Variants in IGSF21 observed in about 807,000 individuals in gnomAD.
IGSF21 encodes immunoglobin superfamily member 21.
Under a neutral mutation model 46.8 loss-of-function variants are expected in IGSF21, and 28 were observed. That is an observed-to-expected ratio of 0.60 (90% CI 0.44 to 0.82). The LOEUF is 0.82. Among genes scored for constraint, IGSF21 ranks in the 40% least tolerant of loss-of-function variants. The pLI is 0.00. For missense variants in IGSF21, 624 were observed against 665.5 expected (o/e 0.94, Z 0.69); for synonymous variants, 284 against 273.6 (o/e 1.04, Z -0.38).
intron 1 of IGSF21, among the ~76,000 whole-genome samples, chr1:18,123,761 C>T (rs1225121739): frequency 2.0e-5 from 3 of 151,966 alleles, no homozygotes; most frequent in African/African-American, 4.8e-5. Context: ...GCCTGGGGCA[C>T]GTGGGAGAGT....
At chr1:18,176,871 G>T (rs554382857) in intron 1 of IGSF21, among the ~76,000 whole-genome samples, 1 of 152,244 alleles carries the variant, frequency 6.6e-6, no homozygotes, top group African/African-American at 2.4e-5. Flanking sequence ...CAACAGGCCA[G>T]CTGTGACTTT....
chr1:18,120,795 G>A (rs139336847), intron 1 of IGSF21, among the ~76,000 whole-genome samples: 1 of 152,230 alleles, frequency 6.6e-6, no homozygotes, highest in Non-Finnish European at 1.5e-5. Context: ...GACAACATTG[G>A]AGGCAAATTG....
At chr1:18,291,124 C>G (rs909845610) in intron 2 of IGSF21, among the ~76,000 whole-genome samples, 4 of 152,246 alleles carry the variant, frequency 2.6e-5, no homozygotes, top group Admixed American at 6.5e-5. Flanking sequence ...AGGCGGGCGG[C>G]AGCTGAGGGC....
intron 2 of IGSF21, among the ~76,000 whole-genome samples, chr1:18,269,828 C>T (rs1023727479): frequency 3.3e-5 from 5 of 152,300 alleles, no homozygotes; most frequent in African/African-American, 9.6e-5. Context: ...AAGGCAAGGG[C>T]AGCCACTGAG....
chr1:18,335,662 A>G lies in IGSF21; in HGVS notation c.424+652A>G, dbSNP rs1569833103. On this transcript the variant is annotated intron_variant, in intron 4 of 9. Coordinates refer to ENST00000251296, the MANE Select transcript of IGSF21 (RefSeq NM_032880.5). The surrounding 1 kb of genome is among the most constrained non-coding windows in gnomAD (Gnocchi z 4.8). ...CACCTTTGGATTCTGGCTCTATTGC[A>G]AGGATGCTGGGGACTTGGCCTTGAC... Among the ~76,000 whole-genome samples, 1 of 152,156 alleles carries G rather than the reference A, an allele frequency of 6.6e-6. No homozygotes were observed. Among genetic ancestry groups the G allele is most frequent in the East Asian group, 1.9e-4 (1 of 5,192 alleles).
At chr1:18,284,894 C>G (rs2085197668) in intron 2 of IGSF21, among the ~76,000 whole-genome samples, 1 of 152,132 alleles carries the variant, frequency 6.6e-6, no homozygotes, top group African/African-American at 2.4e-5. Context: ...ACCCTCCTTG[C>G]AAACACTCTC....
At chr1:18,189,866 T>C (rs1197054594) in intron 1 of IGSF21, among the ~76,000 whole-genome samples, 1 of 151,646 alleles carries the variant, frequency 6.6e-6, no homozygotes, top group Non-Finnish European at 1.5e-5. Flanking sequence ...TGAACTTGGT[T>C]CCTCTGCCCT....
At chr1:18,298,357 G>A (rs1480891219) in intron 3 of IGSF21, among the ~76,000 whole-genome samples, 4 of 152,190 alleles carry the variant, frequency 2.6e-5, no homozygotes, top group African/African-American at 9.7e-5. Flanking sequence ...CCAAGGTGCC[G>A]TATTTGAGGT....
intron 3 of IGSF21, among the ~76,000 whole-genome samples, chr1:18,302,618 C>A (rs898592320): frequency 6.6e-6 from 1 of 152,088 alleles, no homozygotes; most frequent in African/African-American, 2.4e-5. Context: ...CAGGCTTGCA[C>A]GGTGTTTTCA....
intron 2 of IGSF21, among the ~76,000 whole-genome samples, chr1:18,257,813 C>T (rs2084906018): frequency 6.6e-6 from 1 of 152,144 alleles, no homozygotes; most frequent in South Asian, 2.1e-4. Flanking sequence ...CCTTGAGGCT[C>T]TTCTCTTTGT....
rs1214168755 is a variant in IGSF21, at chr1:18,212,987, CAG to C, written c.71-14910_71-14909del. The stretch of plus-strand genomic sequence containing the variant: ...GGTCATAGGACTGTGCTTTAGGAGA[CAG>C]GGGTCCTGGTCTTGAGTTGCCTGTT... On this transcript the variant is annotated intron_variant, in intron 1 of 9. Coordinates refer to ENST00000251296, the MANE Select transcript of IGSF21 (RefSeq NM_032880.5). 2.0e-5 allele frequency among the ~76,000 whole-genome samples: 3 copies of C among 152,224 alleles called. 1 individual carries two copies. The East Asian group carries it at 5.8e-4, about 29-fold the overall frequency.
intron 1 of IGSF21, among the ~76,000 whole-genome samples, chr1:18,153,448 G>C (rs962502786): frequency 2.6e-5 from 4 of 152,140 alleles, no homozygotes; most frequent in African/African-American, 9.7e-5. Context: ...AACTCAAAAG[G>C]CCCCAGGCCT....
rs2085781750 is a variant in IGSF21, at chr1:18,337,493, C to G, written c.424+2483C>G. Among the ~76,000 whole-genome samples, 1 of 152,082 alleles carries G rather than the reference C, an allele frequency of 6.6e-6. No homozygotes were observed. The highest frequency in any genetic ancestry group is 2.1e-4 in the South Asian group (1 of 4,822). On this transcript the variant is annotated intron_variant, in intron 4 of 9. Coordinates refer to ENST00000251296, the MANE Select transcript of IGSF21 (RefSeq NM_032880.5). This position sits in a 1 kb window ranked among gnomAD's most constrained non-coding sequence, Gnocchi z 5.7. Reference sequence around the variant, plus strand: ...CCTCCCTCTTGCCCCTGGTTTTGGCCCCAGCAAAGAGAAGTCCCCCATTCA... The same window carrying G: ...CCTCCCTCTTGCCCCTGGTTTTGGCGCCAGCAAAGAGAAGTCCCCCATTCA...
chr1:18,220,079 G>A (rs1284791349), intron 1 of IGSF21, among the ~76,000 whole-genome samples: 3 of 152,148 alleles, frequency 2.0e-5, no homozygotes, highest in Non-Finnish European at 4.4e-5. Context: ...TGCTGAGGTG[G>A]GCACCAAGTT....
intron 1 of IGSF21, among the ~76,000 whole-genome samples, chr1:18,185,147 A>T (rs2086891548): frequency 6.6e-6 from 1 of 151,790 alleles, no homozygotes; most frequent in Non-Finnish European, 1.5e-5. Flanking sequence ...TGGGATTAGA[A>T]CCCCTCTCTT....
chr1:18,241,677 C>T (rs2124518486), intron 2 of IGSF21, among the ~76,000 whole-genome samples: 1 of 152,270 alleles, frequency 6.6e-6, no homozygotes, highest in African/African-American at 2.4e-5. Context: ...TAAGACAAGC[C>T]TTCCTCCCAT....
intron 4 of IGSF21, among the ~76,000 whole-genome samples, chr1:18,355,829 C>CTTTT (rs61589417): frequency 4.0e-4 from 36 of 88,986 alleles, no homozygotes; most frequent in African/African-American, 1.3e-3. Flanking sequence ...TGTCTAGACT[C>CTTTT]TTTTTTTTTT....
intron 6 of IGSF21, among the ~76,000 whole-genome samples, chr1:18,367,114 G>A (rs1432058698): frequency 2.0e-5 from 3 of 152,134 alleles, no homozygotes; most frequent in African/African-American, 4.8e-5. Context: ...GGGGCTGCCT[G>A]GAGCAGTCCA....
chr1:18,251,513 A>G (rs1296975511), intron 2 of IGSF21, among the ~76,000 whole-genome samples: 1 of 152,200 alleles, frequency 6.6e-6, no homozygotes, highest in Non-Finnish European at 1.5e-5. Flanking sequence ...CAATATGCAC[A>G]GTTACCATCC....
Sources: gnomAD v4.1 joint callset for allele counts (sites outside exome capture counted in the v4.1 genomes callset) on GRCh38, gnomAD v4.1.1 for gene constraint, Gnocchi (gnomAD v3.1) non-coding constraint, MANE v1.5 for transcripts, NCBI Gene and HGNC (gene_info 2026-07-23, HGNC 2026-07-21) for gene names.